The following ATP13A4 variants were observed in gnomAD, a reference collection of about 807,000 sequenced individuals.
ATP13A4 encodes the protein ATPase 13A4.
In ATP13A4, 114 loss-of-function variants were observed where a neutral mutation model predicts 142.5. The ratio of observed to expected loss-of-function variants is 0.80; its 90% CI spans 0.69 to 0.93. The LOEUF is 0.93. Among genes scored for constraint, ATP13A4 ranks in the 40% least tolerant of loss-of-function variants. The pLI is 0.00. For missense variants in ATP13A4, 1,392 were observed against 1,454.0 expected (o/e 0.96, Z 0.69); for synonymous variants, 488 against 514.8 (o/e 0.95, Z 0.70).
upstream of ATP13A4, among the ~76,000 whole-genome samples, chr3:193,558,185 T>C (rs1723943824): frequency 2.0e-5 from 3 of 152,348 alleles, no homozygotes; most frequent in South Asian, 6.2e-4. Flanking sequence ...TGCAATACTG[T>C]ATTTATGTAG....
intron 2 of ATP13A4, chr3:193,579,264 T>C: frequency 5.6e-6 from 1 of 177,268 alleles, no homozygotes; most frequent in Non-Finnish European, 1.2e-5. Context: ...AAGACACTCT[T>C]TCCCATCTCA....
intron 7 of ATP13A4, among the ~76,000 whole-genome samples, chr3:193,485,071 A>G (rs1164419893): frequency 6.6e-6 from 1 of 151,806 alleles, no homozygotes; most frequent in Non-Finnish European, 1.5e-5. Context: ...CTGAGGTTCG[A>G]AAAAAAGACT....
intron 8 of ATP13A4, among the ~76,000 whole-genome samples, chr3:193,477,295 C>T (rs1336515637): frequency 6.6e-6 from 1 of 151,872 alleles, no homozygotes; most frequent in Non-Finnish European, 1.5e-5. Context: ...AATATAATAT[C>T]TGGGATAGTT....
At chr3:193,531,299 GAA>G (rs1370327791) in intron 1 of ATP13A4, among the ~76,000 whole-genome samples, 2,012 of 33,236 alleles carry the variant, frequency 0.061, 18 homozygotes, top group Non-Finnish European at 0.071. Flanking sequence ...AGGGAGGGAG[GAA>G]GGAAGGAAGG....
intron 3 of ATP13A4, among the ~76,000 whole-genome samples, chr3:193,499,612 A>G (rs1178622553): frequency 6.6e-6 from 1 of 152,240 alleles, no homozygotes; most frequent in African/African-American, 2.4e-5. Flanking sequence ...CTCAAAGGAT[A>G]TCATATTCAA....
intron 2 of ATP13A4, among the ~76,000 whole-genome samples, chr3:193,503,041 G>A (rs902940133): frequency 3.9e-5 from 6 of 152,124 alleles, no homozygotes; most frequent in Admixed American, 3.9e-4. Context: ...GCGGGGCAGG[G>A]GGGGGAACTA....
At chr3:193,505,998 T>A (rs1227947240) in intron 2 of ATP13A4, among the ~76,000 whole-genome samples, 1 of 152,208 alleles carries the variant, frequency 6.6e-6, no homozygotes, top group Admixed American at 6.5e-5. Flanking sequence ...ATGTGTCTGA[T>A]CTAAGGTTTG....
intron 18 of ATP13A4, among the ~76,000 whole-genome samples, chr3:193,444,276 T>C (rs1716817288): frequency 6.6e-6 from 1 of 152,170 alleles, no homozygotes; most frequent in Non-Finnish European, 1.5e-5. Flanking sequence ...AACAACATCT[T>C]TGAGGTGCTG....
At chr3:193,417,835 A>C (rs941644089) in intron 25 of ATP13A4, among the ~76,000 whole-genome samples, 1 of 140,568 alleles carries the variant, frequency 7.1e-6, no homozygotes, top group Admixed American at 7.5e-5. Context: ...AATACAAAAA[A>C]TTAGCGGCCG....
chr3:193,413,845 T>C (rs1257856254), intron 26 of ATP13A4, among the ~76,000 whole-genome samples: 1 of 152,206 alleles, frequency 6.6e-6, no homozygotes, highest in Non-Finnish European at 1.5e-5. Flanking sequence ...GAGCTTTTGA[T>C]TTCACCCTTT....
chr3:193,484,965 C>G, intron 7 of ATP13A4, among the ~76,000 whole-genome samples: 1 of 151,898 alleles, frequency 6.6e-6, no homozygotes, highest in East Asian at 1.9e-4. Flanking sequence ...TGACATTGAA[C>G]CTAAGATCTG....
intron 1 of ATP13A4, among the ~76,000 whole-genome samples, chr3:193,542,613 A>C (rs1722994083): frequency 6.6e-6 from 1 of 152,194 alleles, no homozygotes; most frequent in African/African-American, 2.4e-5. Flanking sequence ...ACAGCATGGT[A>C]CTGGTACAAA....
intron 26 of ATP13A4, 132 bp from the exon 27 acceptor site, chr3:193,412,503 G>T (rs1714820692): frequency 6.4e-4 from 329 of 510,920 alleles, no homozygotes; most frequent in East Asian, 1.1e-3. Context: ...CTGTGCTTTG[G>T]AAAACACACA....
chr3:193,484,062 T>C, intron 7 of ATP13A4, 57 bp from the exon 8 acceptor site: 2 of 1,417,990 alleles, frequency 1.4e-6, no homozygotes, highest in Non-Finnish European at 1.0e-6. Flanking sequence ...TTTCTAGGTA[T>C]TATTAAGGTG....
intron 19 of ATP13A4, among the ~76,000 whole-genome samples, chr3:193,442,128 A>T (rs574156113): frequency 6.6e-6 from 1 of 152,330 alleles, no homozygotes; most frequent in African/African-American, 2.4e-5. Context: ...GAGAAAATAG[A>T]TTCAACTCCA....
At chr3:193,480,293 G>T (rs1442857195) in intron 8 of ATP13A4, among the ~76,000 whole-genome samples, 1 of 151,944 alleles carries the variant, frequency 6.6e-6, no homozygotes, top group African/African-American at 2.4e-5. Context: ...TAATTAAACT[G>T]AAAAGCTTCT....
chr3:193,483,295 A>C (rs1471653095), intron 8 of ATP13A4, among the ~76,000 whole-genome samples: 1 of 152,164 alleles, frequency 6.6e-6, no homozygotes, highest in Non-Finnish European at 1.5e-5. Flanking sequence ...AAAAACTAGA[A>C]ACAGGAACAA....
At chr3:193,467,553 C>G in intron 9 of ATP13A4, 67 bp from the exon 10 acceptor site, 1 of 1,501,422 alleles carries the variant, frequency 6.7e-7, no homozygotes, top group South Asian at 1.1e-5. Context: ...ATGCCTGCAC[C>G]CACTCATCAT....
At position 193,580,591 on chromosome 3, in the gene ATP13A4, TA is replaced by T. The variant is rs529057318; in HGVS notation, n.291+1115del. Among the ~76,000 whole-genome samples, 3 of 152,284 alleles carry T rather than the reference TA, an allele frequency of 2.0e-5. No homozygotes were observed. The East Asian group carries it at 5.8e-4, about 29-fold the overall frequency. ...AGAATTACTCAAAGCCTAGTATATA[TA>T]TTTTTTTATTGTACAGGCCAAGTTA... On this transcript the variant is annotated intron_variant and non_coding_transcript_variant, in intron 2 of 3. Coordinates refer to the ATP13A4 transcript ENST00000489140.
Sources: gnomAD v4.1 joint callset for allele counts (sites outside exome capture counted in the v4.1 genomes callset) on GRCh38, gnomAD v4.1.1 for gene constraint, MANE v1.5 for transcripts, NCBI Gene and HGNC (gene_info 2026-07-23, HGNC 2026-07-21) for gene names.